RPL38: variants seen among roughly 807,000 people sequenced by gnomAD.
The protein encoded by RPL38 is large ribosomal subunit protein eL38.
Under a neutral mutation model 12.8 loss-of-function variants are expected in RPL38, and 2 were observed. The ratio of observed to expected loss-of-function variants is 0.16; its 90% CI spans 0.06 to 0.49. RPL38 has a LOEUF of 0.49. RPL38 is among the 20% of genes least tolerant of loss of function. The pLI, the probability that RPL38 is intolerant of heterozygous loss-of-function variation, is 0.96. For missense variants in RPL38, 52 were observed against 79.8 expected (o/e 0.65, Z 1.33); for synonymous variants, 42 against 30.1 (o/e 1.39, Z -1.29).
At chr17:74,206,507 C>T (rs2143689100) in intron 3 of RPL38, among the ~76,000 whole-genome samples, 1 of 152,088 alleles carries the variant, frequency 6.6e-6, no homozygotes, top group Non-Finnish European at 1.5e-5. Context: ...CTTTATCTTC[C>T]CAAACTGAAA....
At chr17:74,209,078 T>G in intron 3 of RPL38, 109 bp from the exon 4 acceptor site, 1 of 1,118,994 alleles carries the variant, frequency 8.9e-7, no homozygotes, top group South Asian at 1.4e-5. Context: ...GTACTGGAGG[T>G]GGGTGCTGTC....
chr17:74,204,883 C>T (rs924622866), intron 3 of RPL38: 1 of 152,128 alleles, frequency 6.6e-6, no homozygotes, highest in Non-Finnish European at 1.5e-5. Flanking sequence ...CAGAGTTTCA[C>T]CATGTTGGCC....
chr17:74,204,468 C>A, intron 3 of RPL38: 1 of 453,918 alleles, frequency 2.2e-6, no homozygotes. Context: ...ATTGTCGGAA[C>A]GGAATCTCCA....
At position 74,209,254 on chromosome 17, in the gene RPL38, C is replaced by T. The variant is rs778620577; in HGVS notation, c.132C>T (p.Thr44=). 6.2e-6 allele frequency: 10 copies of T among 1,614,072 alleles called. No individual in the cohort carries two copies. Among genetic ancestry groups the T allele is most frequent in the Non-Finnish European group, 8.5e-6 (10 of 1,179,994 alleles). Residue 44 remains threonine, a synonymous_variant, in exon 4 of 5, where the codon ACC becomes ACT. Coordinates refer to ENST00000311111, the MANE Select transcript of RPL38 (RefSeq NM_000999.4). ...FKVRCSRYLY[T]LVITDKEKAE... ...TTCGATGCAGCAGATACCTTTACAC[C>T]CTGGTCATCACTGACAAAGAGAAGG...
intron 3 of RPL38, chr17:74,205,045 G>A (rs2050099676): frequency 1.3e-5 from 2 of 152,242 alleles, no homozygotes; most frequent in African/African-American, 2.4e-5. Flanking sequence ...CCATTGTAAA[G>A]TCACAGAGTT....
At chr17:74,206,329 C>G (rs1420131534) in intron 3 of RPL38, 1 of 152,104 alleles carries the variant, frequency 6.6e-6, no homozygotes, top group Non-Finnish European at 1.5e-5. Flanking sequence ...CCTAGCTACT[C>G]AGGAGGCTGA....
chr17:74,209,627 T>C (rs1355175642), intron 4 of RPL38, among the ~76,000 whole-genome samples, 177 bp from the exon 5 acceptor site: 5 of 152,162 alleles, frequency 3.3e-5, no homozygotes, highest in Non-Finnish European at 7.4e-5. Flanking sequence ...AGTCTTTTTA[T>C]CGAATATAAT....
chr17:74,209,965 T>G lies in RPL38; in HGVS notation c.*136T>G. The G allele has an allele frequency of 1.8e-6, 1 of 567,758 alleles. No individual in the cohort carries two copies. The highest frequency in any genetic ancestry group is 3.1e-6 in the Non-Finnish European group (1 of 323,202). 35.2% of individuals were successfully genotyped at this position (567,758 alleles called of 1,614,324 possible). On this transcript the variant is annotated 3_prime_UTR_variant, in exon 5 of 5. Transcript: ENST00000311111. ...GGGAACAGGACGCGGGTTCTGTTGC[T>G]GCCTTCCTGTGTCTTTTTTTTTTTT... is the stretch of plus-strand genomic sequence containing the variant.
intron 4 of RPL38, 40 bp from the exon 5 acceptor site, chr17:74,209,764 G>A (rs2050147942): frequency 1.3e-6 from 2 of 1,596,552 alleles, no homozygotes; most frequent in East Asian, 2.2e-5. Flanking sequence ...CAACTCAGAT[G>A]TGTCTTCTGG....
chr17:74,208,606 C>T (rs919123536), intron 3 of RPL38, among the ~76,000 whole-genome samples: 7 of 152,092 alleles, frequency 4.6e-5, no homozygotes, highest in African/African-American at 1.2e-4. Flanking sequence ...GCAGACAGCC[C>T]GTCTCCTTAC....
chr17:74,209,084 C>A, intron 3 of RPL38, 103 bp from the exon 4 acceptor site: 1 of 1,231,168 alleles, frequency 8.1e-7, no homozygotes, highest in Non-Finnish European at 1.2e-6. Context: ...GAGGTGGGTG[C>A]TGTCTCCTGC....
chr17:74,203,896 C>T, intron 1 of RPL38, 22 bp from the exon 2 acceptor site: 2 of 1,565,790 alleles, frequency 1.3e-6, no homozygotes, highest in African/African-American at 2.7e-5. Flanking sequence ...GCCGTGTTAA[C>T]GCCGAGGACT....
chr17:74,209,770 T>C (rs2050148060), intron 4 of RPL38, 34 bp from the exon 5 acceptor site: 3 of 1,606,294 alleles, frequency 1.9e-6, no homozygotes, highest in East Asian at 4.5e-5. Context: ...AGATGTGTCT[T>C]CTGGATGGCT....
intron 4 of RPL38, 157 bp downstream of exon 4, chr17:74,209,466 G>T: frequency 1.3e-6 from 1 of 798,872 alleles, no homozygotes; most frequent in Non-Finnish European, 2.0e-6. Flanking sequence ...GAATAGTTGT[G>T]ATTCTCAGAT....
chr17:74,204,068 T>A, intron 2 of RPL38, 62 bp from the exon 3 acceptor site: 1 of 1,610,702 alleles, frequency 6.2e-7, no homozygotes, highest in Non-Finnish European at 8.5e-7. Flanking sequence ...GCTGGTGGAC[T>A]GGGCCATCGC....
intron 3 of RPL38, among the ~76,000 whole-genome samples, chr17:74,206,708 C>CTTTTTTTTTTTTTTT (rs35333460): frequency 1.3e-4 from 13 of 101,586 alleles, no homozygotes; most frequent in Non-Finnish European, 1.7e-4. Context: ...TTTTTTCTTT[C>CTTTTTTTTTTTTTTT]TTTTTTTTTT....
In RPL38 at chr17:74,207,400, C is replaced by T. The variant is rs570875276; in HGVS notation, c.65-1787C>T. On this transcript the variant is annotated intron_variant, in intron 3 of 4. Coordinates refer to ENST00000311111, the MANE Select transcript of RPL38 (RefSeq NM_000999.4). ...GGACATTGGGTTGCTTCTACATTTTCGCTAGTGTGAATAATGCTCTGAACA... is the reference window on the plus strand; with the variant it reads ...GGACATTGGGTTGCTTCTACATTTTTGCTAGTGTGAATAATGCTCTGAACA... Among the ~76,000 whole-genome samples, 6 of 152,312 alleles carry T rather than the reference C, an allele frequency of 3.9e-5. No homozygotes were observed. The South Asian group carries it at 6.2e-4, about 16-fold the overall frequency.
chr17:74,204,070 G>A, intron 2 of RPL38, 60 bp from the exon 3 acceptor site: 1 of 1,610,830 alleles, frequency 6.2e-7, no homozygotes. Flanking sequence ...TGGTGGACTG[G>A]GCCATCGCCG....
intron 3 of RPL38, among the ~76,000 whole-genome samples, chr17:74,206,713 T>TC (rs1247204042): frequency 2.2e-5 from 3 of 133,364 alleles, no homozygotes; most frequent in Non-Finnish European, 4.6e-5. Context: ...TCTTTCTTTT[T>TC]TTTTTTTTTT....
Sources: gnomAD v4.1 joint callset for allele counts (sites outside exome capture counted in the v4.1 genomes callset) on GRCh38, gnomAD v4.1.1 for gene constraint, MANE v1.5 for transcripts, NCBI Gene and HGNC (gene_info 2026-07-23, HGNC 2026-07-21) for gene names.